The following KNDC1 variants were observed in gnomAD, a reference collection of about 807,000 sequenced individuals.
The protein encoded by KNDC1 is kinase non-catalytic C-lobe domain-containing protein 1.
Under a neutral mutation model 172.8 loss-of-function variants are expected in KNDC1, and 106 were observed. The observed-to-expected ratio is 0.61, with a 90% CI of 0.52 to 0.72. KNDC1 has a LOEUF of 0.72. KNDC1 is among the 30% of genes least tolerant of loss of function. The pLI, the probability that KNDC1 is intolerant of heterozygous loss-of-function variation, is 0.00. For synonymous variants in KNDC1, 1,083 were observed against 1,062.2 expected (o/e 1.02, Z -0.38); for missense variants, 2,325 against 2,394.5 (o/e 0.97, Z 0.61).
At chr10:133,179,462 G>A (rs1187670090) in intron 3 of KNDC1, 1 of 152,216 alleles carries the variant, frequency 6.6e-6, no homozygotes, top group African/African-American at 2.4e-5. Flanking sequence ...GGGCTGACCT[G>A]GACCCTGATC....
rs1333966448 is a variant in KNDC1 at position 133,214,010 on chromosome 10, G to A, written c.4565G>A (p.Ser1522Asn). The A allele has an allele frequency of 1.9e-6, 3 of 1,614,078 alleles. No homozygotes were observed. Among genetic ancestry groups the A allele is most frequent in the Non-Finnish European group, 2.5e-6 (3 of 1,180,002 alleles). Reference sequence around the variant, plus strand: ...GAGTCTCTTTCGGCCAAAACCTGCAGCTTATTTCTGCCCAATTACGTTCAG... The same window carrying A: ...GAGTCTCTTTCGGCCAAAACCTGCAACTTATTTCTGCCCAATTACGTTCAG... ...SSESLSAKTC[S>N]LFLPNYVQDK... Residue 1522 changes from serine to asparagine, a missense_variant, in exon 26 of 30, where the codon AGC (serine) becomes AAC (asparagine). Physicochemically the swap from Ser to Asn is conservative, Grantham distance 46. Transcript: ENST00000304613.
chr10:133,221,378 A>G (rs912999284), intron 29 of KNDC1, among the ~76,000 whole-genome samples: 3 of 151,606 alleles, frequency 2.0e-5, no homozygotes, highest in Non-Finnish European at 2.9e-5. Context: ...CTCACACCCC[A>G]GGCCACACAG....
At chr10:133,184,080 GCA>G (rs891409641) in intron 5 of KNDC1, 91 bp downstream of exon 5, 611 of 650,448 alleles carry the variant, frequency 9.4e-4, no homozygotes, top group African/African-American at 1.6e-3. Context: ...ACACACCCAT[GCA>G]CACACACACA....
rs767076854 is a variant in KNDC1 at position 133,201,827 on chromosome 10, G to A, written c.3316G>A (p.Asp1106Asn). ...CTACGAGGCCGACTGCTTCGGGGCC[G>A]ACGTCCACAACTACGTGAAGGACCT... ...AFYEADCFGA[D>N]VHNYVKDLGR... The change falls in exon 17 of 30, where the codon GAC (aspartate) becomes AAC (asparagine). Residue 1106 changes from aspartate to asparagine, a missense_variant. Physicochemically the swap from Asp to Asn is conservative, Grantham distance 23. Transcript: ENST00000304613. The A allele has an allele frequency of 1.3e-5, 19 of 1,493,620 alleles. No individual in the cohort carries two copies. In the South Asian group the frequency reaches 1.9e-4, roughly 15 times the overall value. 92.5% of individuals were successfully genotyped at this position (1,493,620 alleles called of 1,614,324 possible).
chr10:133,219,926 C>T (rs990030445), intron 28 of KNDC1, 29 bp from the exon 29 acceptor site: 6 of 1,542,552 alleles, frequency 3.9e-6, no homozygotes, highest in Non-Finnish European at 5.3e-6. Context: ...CCTGTCTCTC[C>T]CCGGCCCACG....
chr10:133,197,164 C>G, intron 11 of KNDC1, 29 bp downstream of exon 11: 3 of 1,565,598 alleles, frequency 1.9e-6, no homozygotes, highest in Non-Finnish European at 2.6e-6. Context: ...GCCGCCGCCT[C>G]CTCCGCCGCG....
intron 26 of KNDC1, among the ~76,000 whole-genome samples, chr10:133,217,306 G>A (rs1242500216): frequency 6.6e-6 from 1 of 152,284 alleles, no homozygotes; most frequent in Non-Finnish European, 1.5e-5. Flanking sequence ...CGTAGAAAGT[G>A]TATCCGGTAA....
At position 133,163,196 on chromosome 10, in the gene KNDC1, G is replaced by T. The variant is rs1311370794; in HGVS notation, c.102+2627G>T. ...GGATGGGCAATGCTGGCTGCCCCAT[G>T]GGAATTCAGATGAGACGAAGAGGGT... On this transcript the variant is annotated intron_variant, in intron 1 of 29. Coordinates refer to ENST00000304613, the MANE Select transcript of KNDC1 (RefSeq NM_152643.8). The surrounding 1 kb of genome is among the most constrained non-coding windows in gnomAD (Gnocchi z 4.4). Among the ~76,000 whole-genome samples, 1 of 152,206 alleles carries T rather than the reference G, an allele frequency of 6.6e-6. No individual in the cohort carries two copies.
chr10:133,220,202 C>T, intron 29 of KNDC1, 90 bp downstream of exon 29: 2 of 888,800 alleles, frequency 2.3e-6, no homozygotes, highest in Middle Eastern at 4.0e-4. Context: ...GGCGGCCGCG[C>T]GCCCAGGAGA....
Position 133,189,734 on chromosome 10 carries a change from G to T in KNDC1, c.1514-18G>T. On this transcript the variant is annotated intron_variant, in intron 8 of 29. Transcript: ENST00000304613. ...GCTCGCCAGGGGTGAGGAAAGCTCA[G>T]TCGGGTTTCTCTCTTAGGTTCCTAT... 1.2e-6 allele frequency: 2 copies of T among 1,614,108 alleles called. No homozygotes were observed. Among genetic ancestry groups the T allele is most frequent in the Non-Finnish European group, 1.7e-6 (2 of 1,180,006 alleles).
intron 3 of KNDC1, among the ~76,000 whole-genome samples, chr10:133,181,147 G>C (rs1320418620): frequency 6.6e-6 from 1 of 151,632 alleles, no homozygotes; most frequent in Admixed American, 6.6e-5. Flanking sequence ...ACGCCACATG[G>C]GGCACCCACT....
chr10:133,185,995 G>A lies in KNDC1; in HGVS notation c.647G>A (p.Arg216Gln), dbSNP rs756563735. The A allele has an allele frequency of 8.5e-6, 13 of 1,530,294 alleles. No individual in the cohort carries two copies. The East Asian group carries it at 1.1e-4, about 13-fold the overall frequency. 94.8% of individuals were successfully genotyped at this position (1,530,294 alleles called of 1,614,324 possible). A position where few individuals can be genotyped will look rare whatever the true frequency, so the allele number is the denominator to read the frequency against. ...ALQDVSESSW[R>Q]ERPAPGNAGP... ...CCAGATGTCAGCGAGAGCAGCTGGCGGGAGAGACCTGCCCCAGGAAACGCT... is the reference window on the plus strand; with the variant it reads ...CCAGATGTCAGCGAGAGCAGCTGGCAGGAGAGACCTGCCCCAGGAAACGCT... The change falls in exon 6 of 30, where the codon CGG becomes CAG. Residue 216 changes from arginine to glutamine, a missense_variant. By Grantham distance (43) the Arg-to-Gln change is conservative. Coordinates refer to ENST00000304613, the MANE Select transcript of KNDC1 (RefSeq NM_152643.8).
intron 24 of KNDC1, 144 bp from the exon 25 acceptor site, chr10:133,213,501 C>T (rs1845413507): frequency 7.4e-6 from 5 of 672,706 alleles, no homozygotes; most frequent in South Asian, 5.5e-5. Flanking sequence ...CTGCAGCCGA[C>T]CCCTGTGGAC....
In KNDC1 at chr10:133,201,880, G is replaced by T; in HGVS notation, c.3369G>T (p.Leu1123=). 1 of 1,470,552 alleles carries T rather than the reference G, an allele frequency of 6.8e-7. No individual in the cohort carries two copies. The allele number at this position is 1,470,552 out of a possible 1,614,324, so 91.1% of individuals were successfully genotyped here. ...DLGRQQADGA[L]PDAQSPELEQ... is the part of the protein sequence containing the mutation. ...GGCGGCAGCAGGCGGACGGGGCCCTGCCCGACGCCCAGAGCCCGGTGAGTC... is the reference window on the plus strand; with the variant it reads ...GGCGGCAGCAGGCGGACGGGGCCCTTCCCGACGCCCAGAGCCCGGTGAGTC... Residue 1123 remains leucine (L), a synonymous_variant, in exon 17 of 30, where the codon CTG becomes CTT. Transcript: ENST00000304613.
chr10:133,199,156 C>A lies in KNDC1; in HGVS notation c.2648C>A (p.Pro883Gln), dbSNP rs781444838. The stretch of plus-strand genomic sequence containing the variant: ...TGTCTGCCCTGCGTGGATGCCTCGC[C>A]ACTCCCAGGGAGGACGGCCTGCCCG... ...RLCLPCVDAS[P>Q]LPGRTACPSL... Residue 883 changes from proline (P) to glutamine (Q), a missense_variant, in exon 14 of 30, where the codon CCA becomes CAA. Coordinates refer to ENST00000304613, the MANE Select transcript of KNDC1 (RefSeq NM_152643.8). 6.2e-7 allele frequency: 1 copy of A among 1,601,990 alleles called. No individual in the cohort carries two copies. The highest frequency in any genetic ancestry group is 1.1e-5 in the South Asian group (1 of 89,382).
At chr10:133,180,921 G>T (rs1040942043) in intron 3 of KNDC1, among the ~76,000 whole-genome samples, 2 of 152,250 alleles carry the variant, frequency 1.3e-5, no homozygotes, top group African/African-American at 4.8e-5. Flanking sequence ...TGGCAAAGCC[G>T]CAGAGACTGG....
Position 133,198,725 on chromosome 10 carries a change from G to A in KNDC1, c.2217G>A (p.Gln739=), listed in dbSNP as rs745323541. The change falls in exon 14 of 30, where the codon CAG becomes CAA. Residue 739 remains glutamine, a synonymous_variant. Transcript: ENST00000304613. ...PDGPVPGPGP[Q]GAAPEPLGAS... ...GGCCGGTGCCTGGTCCGGGGCCACAGGGAGCAGCCCCAGAGCCTCTTGGGG... is the reference window on the plus strand; with the variant it reads ...GGCCGGTGCCTGGTCCGGGGCCACAAGGAGCAGCCCCAGAGCCTCTTGGGG... The A allele has an allele frequency of 8.9e-6, 14 of 1,576,568 alleles. No individual in the cohort carries two copies. In the Admixed American group the frequency reaches 1.7e-4, roughly 19 times the overall value.
chr10:133,177,138 C>G (rs1377961567), intron 3 of KNDC1, among the ~76,000 whole-genome samples: 1 of 151,754 alleles, frequency 6.6e-6, no homozygotes, highest in Non-Finnish European at 1.5e-5. Context: ...TGTCCATGTC[C>G]AATTGTGTGT....
Position 133,224,884 on chromosome 10 carries a change from C to G in KNDC1, c.5244C>G (p.Phe1748Leu), listed in dbSNP as rs1480535680. The change falls in exon 30 of 30, where the codon TTC (phenylalanine) becomes TTG (leucine). Residue 1748 changes from phenylalanine (F) to leucine (L), a missense_variant. Coordinates refer to ENST00000304613, the MANE Select transcript of KNDC1 (RefSeq NM_152643.8). The surrounding 1 kb of genome is among the most constrained non-coding windows in gnomAD (Gnocchi z 5.4). ...QDKLRRMKAT[F>L]Q The stretch of plus-strand genomic sequence containing the variant: ...AGCTACGGAGGATGAAGGCTACATT[C>G]CAGTAGCCGAGCTCGGGCCTGGTGT... 2 of 1,609,592 alleles carry G rather than the reference C, an allele frequency of 1.2e-6. No homozygotes were observed. The highest frequency in any genetic ancestry group is 1.7e-6 in the Non-Finnish European group (2 of 1,176,376).
Sources: gnomAD v4.1 joint callset for allele counts (sites outside exome capture counted in the v4.1 genomes callset) on GRCh38, gnomAD v4.1.1 for gene constraint, Gnocchi (gnomAD v3.1) non-coding constraint, MANE v1.5 for transcripts, NCBI Gene and HGNC (gene_info 2026-07-23, HGNC 2026-07-21) for gene names.